Variants in MYOF observed in about 807,000 individuals in gnomAD.
MYOF encodes the protein fer-1-like 3, myoferlin.
Under a neutral mutation model 284.2 loss-of-function variants are expected in MYOF, and 244 were observed. That is an observed-to-expected ratio of 0.86 (90% CI 0.77 to 0.95). The LOEUF is 0.95. Among genes scored for constraint, MYOF ranks in the 40% least tolerant of loss-of-function variants. MYOF has a pLI of 0.00. For synonymous variants in MYOF, 904 were observed against 919.7 expected, an observed-to-expected ratio of 0.98 and a Z score of 0.31; for missense variants, 2,496 against 2,560.6, an observed-to-expected ratio of 0.97 and a Z score of 0.54.
At chr10:93,405,861 G>C (rs954854038) in intron 7 of MYOF, among the ~76,000 whole-genome samples, 3 of 141,152 alleles carry the variant, frequency 2.1e-5, no homozygotes, top group African/African-American at 7.8e-5. Context: ...GCAGTGGCAC[G>C]ATCTTGGCTC....
At chr10:93,361,342 C>A in intron 28 of MYOF, 110 bp downstream of exon 28, 2 of 1,048,160 alleles carry the variant, frequency 1.9e-6, no homozygotes, top group Non-Finnish European at 2.8e-6. Flanking sequence ...GCTGGGGACT[C>A]CTGCCATAGA....
chr10:93,474,065 G>T (rs1334442763), intron 1 of MYOF, among the ~76,000 whole-genome samples: 12 of 152,132 alleles, frequency 7.9e-5, no homozygotes, highest in Non-Finnish European at 1.6e-4. Context: ...ACAGTGTGAG[G>T]AAGGATGGCC....
rs1336799119 is a variant in MYOF, at chr10:93,340,162, C to T, written c.4329G>A (p.Leu1443=). Residue 1443 remains leucine (L), a splice_region_variant and synonymous_variant, in exon 39 of 54, where the codon CTG becomes CTA. Transcript: ENST00000359263. ...TGTATACCATAGTTACCTTTTCTGT[C>T]AGCTGCTCGTGCACATGTCCCGTGA... ...EDTKPLLASK[L]TEKEEEIVDW... 1.9e-6 allele frequency: 3 copies of T among 1,613,986 alleles called. No homozygotes were observed. Among genetic ancestry groups the T allele is most frequent in the Non-Finnish European group, 2.5e-6 (3 of 1,179,938 alleles).
intron 6 of MYOF, 30 bp downstream of exon 6, chr10:93,409,542 AC>A (rs758630918): frequency 6.2e-7 from 1 of 1,604,366 alleles, no homozygotes; most frequent in African/African-American, 1.3e-5. Context: ...TAAAGATTAA[AC>A]AAAGAAGCAG....
At chr10:93,393,395 T>C (rs1023174269) in intron 16 of MYOF, among the ~76,000 whole-genome samples, 3 of 152,162 alleles carry the variant, frequency 2.0e-5, no homozygotes, top group African/African-American at 7.2e-5. Flanking sequence ...GAAAGCATGG[T>C]TTGTTTCTTT....
chr10:93,430,581 CAAAAAAA>C (rs747001393), intron 4 of MYOF, among the ~76,000 whole-genome samples: 8 of 86,164 alleles, frequency 9.3e-5, no homozygotes, highest in South Asian at 3.8e-4. Flanking sequence ...GACTCCATCT[CAAAAAAA>C]AAAAAAAAAA....
Position 93,349,966 on chromosome 10 carries a change from G to C in MYOF, c.3925C>G (p.Leu1309Val), listed in dbSNP as rs200321200. The change falls in exon 36 of 54, where the codon CTA (leucine) becomes GTA (valine). Residue 1309 changes from leucine to valine, a missense_variant. By Grantham distance (32) the Leu-to-Val change is conservative. This residue lies in a region of MYOF where 2,436 missense variants were observed against 2,480.7 expected (regional missense o/e 0.98). Coordinates refer to ENST00000359263, the MANE Select transcript of MYOF (RefSeq NM_013451.4). Reference protein sequence around the residue: ...PVVQLTAIEILAWGLRNMKNF... With the variant: ...PVVQLTAIEIVAWGLRNMKNF... The stretch of plus-strand genomic sequence containing the variant: ...TTCATATTTCTTAAGCCCCAAGCTA[G>C]AATCTATGAAAACGATTTAAAGAGA... 6.2e-7 allele frequency: 1 copy of C among 1,613,380 alleles called. No individual in the cohort carries two copies. Among genetic ancestry groups the C allele is most frequent in the Admixed American group, 1.7e-5 (1 of 59,862 alleles).
At chr10:93,470,082 A>G (rs1471662026) in intron 1 of MYOF, among the ~76,000 whole-genome samples, 1 of 151,842 alleles carries the variant, frequency 6.6e-6, no homozygotes, top group Non-Finnish European at 1.5e-5. Context: ...AACAAAAATT[A>G]GCCAAGCATG....
rs145908975 is a variant in MYOF at position 93,313,035 on chromosome 10, G to T, written c.5874C>A (p.Gly1958=). 12 of 1,609,364 alleles carry T rather than the reference G, an allele frequency of 7.5e-6. No homozygotes were observed. In the African/African-American group the frequency reaches 1.2e-4, roughly 16 times the overall value. Residue 1958 remains glycine, a synonymous_variant, in exon 51 of 54, where the codon GGC becomes GGA. Transcript: ENST00000359263. The part of the protein sequence containing the change: ...GWWPCYAEKD[G]ARVMAGKVEM... ...ATGTTCATACAGCCATTACGCGGGCGCCATCTTTCTCTGCGTAGCATGGCC... is the reference window on the plus strand; with the variant it reads ...ATGTTCATACAGCCATTACGCGGGCTCCATCTTTCTCTGCGTAGCATGGCC...
intron 9 of MYOF, among the ~76,000 whole-genome samples, chr10:93,403,417 G>C (rs1350809903): frequency 6.6e-6 from 1 of 152,218 alleles, no homozygotes; most frequent in Non-Finnish European, 1.5e-5. Flanking sequence ...CTAAGGATCA[G>C]AGAGATTGAG....
At chr10:93,427,552 A>T (rs1399317035) in intron 4 of MYOF, among the ~76,000 whole-genome samples, 1 of 139,564 alleles carries the variant, frequency 7.2e-6, no homozygotes, top group Admixed American at 7.3e-5. Flanking sequence ...AAAAAAAAAA[A>T]GTGACTAACA....
intron 1 of MYOF, among the ~76,000 whole-genome samples, chr10:93,470,794 A>G (rs746445060): frequency 3.3e-5 from 5 of 152,162 alleles, no homozygotes; most frequent in Non-Finnish European, 5.9e-5. Flanking sequence ...TCCCCACCCT[A>G]TACACAGAGC....
At chr10:93,414,097 G>A (rs1208589578) in intron 5 of MYOF, among the ~76,000 whole-genome samples, 1 of 152,212 alleles carries the variant, frequency 6.6e-6, no homozygotes, top group Non-Finnish European at 1.5e-5. Context: ...TCTCTCTGAA[G>A]CCTCGAGGGA....
In MYOF at chr10:93,347,619, T is replaced by C. The variant is rs1589424814; in HGVS notation, c.4247A>G (p.Lys1416Arg). Reference sequence around the variant, plus strand: ...TTATGCACAGCCTTGCATGTTACCTTTGAGCTGTGGGACGATGTCCTCTTT... The same window carrying C: ...TTATGCACAGCCTTGCATGTTACCTCTGAGCTGTGGGACGATGTCCTCTTT... ...AGKEDIVPQL[K>R]ASLLSAPPCR... Residue 1416 changes from lysine (K) to arginine (R), a missense_variant and splice_region_variant, in exon 37 of 54, where the codon AAA becomes AGA. Physicochemically the swap from Lys to Arg is conservative, Grantham distance 26. This residue lies in a region of MYOF where 2,436 missense variants were observed against 2,480.7 expected (regional missense o/e 0.98). Transcript: ENST00000359263. The C allele has an allele frequency of 1.2e-6, 2 of 1,611,254 alleles. No homozygotes were observed. The highest frequency in any genetic ancestry group is 1.7e-6 in the Non-Finnish European group (2 of 1,178,794).
intron 3 of MYOF, among the ~76,000 whole-genome samples, chr10:93,441,421 G>A (rs530533636): frequency 1.3e-5 from 2 of 151,534 alleles, no homozygotes; most frequent in Non-Finnish European, 2.9e-5. Context: ...GTCTCACGCC[G>A]TTGCCCAGGC....
intron 27 of MYOF, 136 bp from the exon 28 acceptor site, chr10:93,361,693 CT>C: frequency 1.4e-6 from 1 of 709,686 alleles, no homozygotes; most frequent in South Asian, 2.2e-5. Flanking sequence ...ATCCATTTCA[CT>C]CAGAAAAATC....
chr10:93,324,294 C>G (rs927775007), intron 46 of MYOF: 1 of 152,248 alleles, frequency 6.6e-6, no homozygotes, highest in Admixed American at 6.5e-5. Flanking sequence ...AAGGAAACCA[C>G]TAGATTGGCT....
intron 10 of MYOF, 121 bp downstream of exon 10, chr10:93,402,738 TA>T (rs1460814836): frequency 2.8e-5 from 24 of 845,040 alleles, no homozygotes; most frequent in South Asian, 2.2e-4. Flanking sequence ...AAATATTTTT[TA>T]AAAAATTCCT....
intron 3 of MYOF, among the ~76,000 whole-genome samples, chr10:93,445,689 C>A (rs72637505): frequency 1.3e-5 from 2 of 152,124 alleles, no homozygotes; most frequent in Admixed American, 6.5e-5. Context: ...CTAGCCCATG[C>A]GGGTGTGGGC....
Sources: allele counts gnomAD v4.1 joint callset (sites outside exome capture counted in the v4.1 genomes callset), GRCh38; gene constraint gnomAD v4.1.1; regional missense constraint gnomAD v4.1.1; transcripts MANE v1.5; gene names NCBI Gene and HGNC (gene_info 2026-07-23, HGNC 2026-07-21).